Variants in ZMYND8 observed in about 807,000 individuals in gnomAD.
ZMYND8 encodes MYND-type zinc finger-containing chromatin reader ZMYND8.
ZMYND8 carries 37 observed loss-of-function variants against 140.8 expected under a neutral mutation model. The ratio of observed to expected loss-of-function variants is 0.26; its 90% CI spans 0.20 to 0.35. The LOEUF (loss-of-function observed/expected upper bound fraction) is 0.35, where lower values mean the gene tolerates loss of function less well. Ranked by LOEUF, ZMYND8 falls within the 10% of genes least tolerant of loss-of-function variation. The probability of loss-of-function intolerance (pLI) is 1.00; values close to 1 mark genes in which losing one functional copy is unlikely to be tolerated. For synonymous variants in ZMYND8, 592 were observed against 597.1 expected (o/e 0.99, Z 0.12); for missense variants, 1,068 against 1,570.0 (o/e 0.68, Z 5.40).
chr20:47,218,024 T>C (rs2036370721), intron 21 of ZMYND8, among the ~76,000 whole-genome samples: 1 of 152,216 alleles, frequency 6.6e-6, no homozygotes, highest in Admixed American at 6.5e-5. Flanking sequence ...AGGCACACGT[T>C]TGTTTACATA....
At chr20:47,315,807 G>A (rs1338117101) in intron 2 of ZMYND8, among the ~76,000 whole-genome samples, 1 of 152,158 alleles carries the variant, frequency 6.6e-6, no homozygotes, top group Non-Finnish European at 1.5e-5. Flanking sequence ...AGTAGGACCT[G>A]TGACCCCGCC....
intron 1 of ZMYND8, 199 bp from the exon 2 acceptor site, chr20:47,348,125 C>CTT (rs367646500): frequency 4.2e-5 from 20 of 478,378 alleles, no homozygotes; most frequent in Admixed American, 1.1e-4. Flanking sequence ...CTAGGTTGTT[C>CTT]TTTTTTTTTT....
chr20:47,278,645 A>T (rs1235504197), intron 10 of ZMYND8, among the ~76,000 whole-genome samples: 2 of 152,118 alleles, frequency 1.3e-5, no homozygotes, highest in African/African-American at 4.8e-5. Context: ...ACACAAACTA[A>T]AACTAAACAC....
chr20:47,261,064 A>C (rs939484078), intron 12 of ZMYND8, among the ~76,000 whole-genome samples: 2 of 152,122 alleles, frequency 1.3e-5, no homozygotes, highest in African/African-American at 4.8e-5. Flanking sequence ...TCTACTAAAA[A>C]TACAAAATTA....
At position 47,238,743 on chromosome 20, in the gene ZMYND8, G is replaced by A; in HGVS notation, c.2665+15C>T. The A allele has an allele frequency of 1.2e-6, 2 of 1,603,788 alleles. No homozygotes were observed. Among genetic ancestry groups the A allele is most frequent in the Non-Finnish European group, 1.7e-6 (2 of 1,175,470 alleles). On this transcript the variant is annotated intron_variant, in intron 15 of 22. Coordinates refer to ENST00000471951, the MANE Select transcript of ZMYND8 (RefSeq NM_001281775.3). The stretch of plus-strand genomic sequence containing the variant: ...GGAGCGGGCGCCACGGAGAACAGAA[G>A]GGGAGGCTCGGTACCTTTCACAGCC...
intron 11 of ZMYND8, among the ~76,000 whole-genome samples, chr20:47,265,068 A>ATATATATATATATATATATG (rs1555948705): frequency 0.069 from 9,903 of 143,376 alleles, 557 homozygotes; most frequent in Non-Finnish European, 0.11. Context: ...ATATATATAT[A>ATATATATATATATATATATG]GGCATTTTAA....
At chr20:47,329,916 C>T (rs2080789633) in intron 2 of ZMYND8, among the ~76,000 whole-genome samples, 1 of 152,212 alleles carries the variant, frequency 6.6e-6, no homozygotes, top group Non-Finnish European at 1.5e-5. Context: ...TCACCTTTCA[C>T]TCCTTTAGTC....
chr20:47,285,674 A>G (rs911325496), intron 8 of ZMYND8: 41 of 985,102 alleles, frequency 4.2e-5, no homozygotes, highest in Non-Finnish European at 4.9e-5. Context: ...GAAATCATCA[A>G]ATGCGCAATG....
chr20:47,348,432 T>C (rs1355895327), intron 1 of ZMYND8: 16 of 172,252 alleles, frequency 9.3e-5, no homozygotes, highest in Non-Finnish European at 2.5e-5. Context: ...CAGGTTAAAT[T>C]ACAAAGCAGA....
intron 14 of ZMYND8, among the ~76,000 whole-genome samples, chr20:47,245,451 G>C (rs576418001): frequency 2.0e-5 from 3 of 152,270 alleles, no homozygotes; most frequent in Admixed American, 2.0e-4. Context: ...TCACTATGTA[G>C]GTCAAGCTGG....
chr20:47,217,882 T>TC (rs1219573059), intron 21 of ZMYND8, among the ~76,000 whole-genome samples: 4 of 147,580 alleles, frequency 2.7e-5, no homozygotes, highest in Middle Eastern at 3.4e-3. Flanking sequence ...GCCCCCCTCT[T>TC]CCCCCCACCA....
chr20:47,272,465 G>A (rs1466567245), intron 11 of ZMYND8, among the ~76,000 whole-genome samples: 2 of 152,126 alleles, frequency 1.3e-5, no homozygotes, highest in Non-Finnish European at 2.9e-5. Flanking sequence ...CAGGCCCCCC[G>A]ACTCTGACCC....
intron 8 of ZMYND8, among the ~76,000 whole-genome samples, chr20:47,284,480 G>C (rs2076802323): frequency 6.6e-6 from 1 of 152,186 alleles, no homozygotes; most frequent in African/African-American, 2.4e-5. Context: ...AGTGTCAGCA[G>C]TACCAAGCTG....
At chr20:47,280,897 T>C (rs1418566657) in intron 10 of ZMYND8, among the ~76,000 whole-genome samples, 1 of 152,010 alleles carries the variant, frequency 6.6e-6, no homozygotes, top group Non-Finnish European at 1.5e-5. Context: ...GCCCTTCCCC[T>C]CCCGACCTCT....
chr20:47,276,977 CCATAACAGAACATGAA>C (rs2147802283), intron 10 of ZMYND8, among the ~76,000 whole-genome samples, 182 bp from the exon 11 acceptor site: 1 of 150,614 alleles, frequency 6.6e-6, no homozygotes, highest in East Asian at 2.0e-4. Flanking sequence ...GCATGTTCTA[CCATAACAGAACATGAA>C]CAACAAAACT....
intron 10 of ZMYND8, among the ~76,000 whole-genome samples, chr20:47,278,062 T>G (rs762610916): frequency 1.2e-4 from 18 of 152,062 alleles, no homozygotes; most frequent in Non-Finnish European, 2.4e-4. Context: ...AGCCTCAAAC[T>G]CCTGGACTCA....
chr20:47,268,886 A>T (rs2075736408), intron 11 of ZMYND8, among the ~76,000 whole-genome samples: 3 of 152,172 alleles, frequency 2.0e-5, no homozygotes, highest in African/African-American at 7.2e-5. Flanking sequence ...TTGCTAAAAG[A>T]GTGATTAACA....
chr20:47,236,607 TC>T, intron 15 of ZMYND8, 91 bp from the exon 16 acceptor site: 3 of 1,292,102 alleles, frequency 2.3e-6, no homozygotes, highest in Non-Finnish European at 3.1e-6. Context: ...CTAATAGACA[TC>T]CTGAGAGCTT....
At chr20:47,319,278 C>T (rs551579686) in intron 2 of ZMYND8, 21 of 345,232 alleles carry the variant, frequency 6.1e-5, no homozygotes, top group South Asian at 3.5e-4. Context: ...TGAAAGTCTC[C>T]GGTGCAGTGC....
Sources: gnomAD v4.1 joint callset for allele counts (sites outside exome capture counted in the v4.1 genomes callset) on GRCh38, gnomAD v4.1.1 for gene constraint, MANE v1.5 for transcripts, NCBI Gene and HGNC (gene_info 2026-07-23, HGNC 2026-07-21) for gene names.